Variants in EPB41 observed in about 807,000 individuals in gnomAD.
EPB41 encodes the protein protein 4.1.
EPB41 carries 65 observed loss-of-function variants against 108.0 expected under a neutral mutation model. The ratio of observed to expected loss-of-function variants is 0.60; its 90% CI spans 0.49 to 0.74. The LOEUF is 0.74. Ranked by LOEUF, EPB41 falls within the 30% of genes least tolerant of loss-of-function variation. The pLI, the probability that EPB41 is intolerant of heterozygous loss-of-function variation, is 0.00. For synonymous variants in EPB41, 336 were observed against 358.9 expected, an observed-to-expected ratio of 0.94 and a Z score of 0.72; for missense variants, 875 against 1,037.0, an observed-to-expected ratio of 0.84 and a Z score of 2.15.
At chr1:28,962,202 A>T (rs1159065699) in intron 1 of EPB41, among the ~76,000 whole-genome samples, 1 of 151,940 alleles carries the variant, frequency 6.6e-6, no homozygotes, top group Non-Finnish European at 1.5e-5. Flanking sequence ...CTGGGATTAC[A>T]GGGGCCCGCC....
Position 29,064,997 on chromosome 1 carries a change from CAA to C in EPB41, c.2024_2025del (p.Gln675ArgfsTer12). On this transcript the variant is annotated frameshift_variant, in exon 16 of 21. Transcript: ENST00000343067. LOFTEE classifies it high-confidence loss of function. ...TCAACTGTAGGATTTAGACAAGAGT[CAA>C]GAGGAGATCAAAAAACATCATGCCA... ...NLMLEDLDKS[Q>X]EEIKKHHASI... The C allele has an allele frequency of 6.2e-7, 1 of 1,613,880 alleles. No individual in the cohort carries two copies. Among genetic ancestry groups the C allele is most frequent in the Non-Finnish European group, 8.5e-7 (1 of 1,179,976 alleles).
intron 1 of EPB41, among the ~76,000 whole-genome samples, chr1:28,980,565 T>A (rs923294730): frequency 7.9e-5 from 12 of 151,144 alleles, no homozygotes; most frequent in Non-Finnish European, 1.8e-4. Flanking sequence ...TTTTTTTTTT[T>A]AATTAGCTGG....
intron 16 of EPB41, chr1:29,070,773 A>G (rs544993486): frequency 8.9e-7 from 1 of 1,118,764 alleles, no homozygotes; most frequent in South Asian, 4.7e-5. Flanking sequence ...CTCTTTGTAG[A>G]GTATGTATTG....
In EPB41 at chr1:29,039,435, T is replaced by G. The variant is rs370528073; in HGVS notation, c.1636+9T>G. 50 of 1,613,342 alleles carry G rather than the reference T, an allele frequency of 3.1e-5. No individual in the cohort carries two copies. Among genetic ancestry groups the G allele is most frequent in the Non-Finnish European group, 4.2e-5 (49 of 1,179,812 alleles). On this transcript the variant is annotated intron_variant, in intron 11 of 20. Transcript: ENST00000343067. ...CCGGAGCCTCGATGGAGGTTTGTAT[T>G]GAATATTAATGATTTCTTGTGATCA...
intron 14 of EPB41, among the ~76,000 whole-genome samples, chr1:29,059,481 T>C (rs930990494): frequency 3.9e-5 from 6 of 151,942 alleles, no homozygotes; most frequent in South Asian, 2.1e-4. Context: ...TATCATAAAA[T>C]GAAAACCATC....
intron 1 of EPB41, among the ~76,000 whole-genome samples, chr1:28,981,684 T>A (rs757922940): frequency 6.6e-6 from 1 of 152,142 alleles, no homozygotes; most frequent in African/African-American, 2.4e-5. Flanking sequence ...GTGTCAAGAC[T>A]TTTAGAGAGT....
intron 4 of EPB41, among the ~76,000 whole-genome samples, chr1:29,007,287 A>G (rs2096421878): frequency 6.6e-6 from 1 of 152,152 alleles, no homozygotes; most frequent in African/African-American, 2.4e-5. Context: ...TACTACTGAT[A>G]GACATTTGGC....
At chr1:29,055,451 A>G (rs1645192962) in intron 12 of EPB41, among the ~76,000 whole-genome samples, 1 of 152,144 alleles carries the variant, frequency 6.6e-6, no homozygotes. Flanking sequence ...GGAACTTGGC[A>G]GAGTGAAGAG....
At chr1:28,892,878 A>T (rs1348695914) in intron 1 of EPB41, among the ~76,000 whole-genome samples, 6 of 135,066 alleles carry the variant, frequency 4.4e-5, no homozygotes, top group East Asian at 4.3e-4. Flanking sequence ...ATCTTGGCTC[A>T]CTGCAACCTC....
chr1:29,004,556 G>C (rs986278189), intron 4 of EPB41, among the ~76,000 whole-genome samples: 11 of 152,156 alleles, frequency 7.2e-5, no homozygotes, highest in Non-Finnish European at 1.2e-4. Flanking sequence ...TGGCAGTCAT[G>C]GTTGTATCTT....
At chr1:29,037,720 A>G (rs1640028603) in intron 10 of EPB41, among the ~76,000 whole-genome samples, 1 of 151,728 alleles carries the variant, frequency 6.6e-6, no homozygotes, top group Non-Finnish European at 1.5e-5. Context: ...AATTTTTAGT[A>G]GAGACCGGGT....
intron 1 of EPB41, among the ~76,000 whole-genome samples, chr1:28,934,666 T>TTTGTGTGTGTGTGTGTGTGTGTG (rs1553174370): frequency 2.2e-5 from 3 of 136,400 alleles, no homozygotes; most frequent in East Asian, 4.2e-4. Flanking sequence ...TCTTTTGACA[T>TTTGTGTGTGTGTGTGTGTGTGTG]TGTGTGTGTG....
intron 1 of EPB41, among the ~76,000 whole-genome samples, chr1:28,918,232 T>C (rs1476354830): frequency 6.6e-6 from 1 of 152,096 alleles, no homozygotes; most frequent in Admixed American, 6.5e-5. Flanking sequence ...TTTGTATTTT[T>C]AGTAGAGACG....
chr1:29,021,003 G>T (rs1192099310), intron 7 of EPB41, among the ~76,000 whole-genome samples: 1 of 152,036 alleles, frequency 6.6e-6, no homozygotes, highest in East Asian at 1.9e-4. Flanking sequence ...AGGACTTATA[G>T]TCTCTCATCC....
chr1:28,965,180 T>G (rs1433501364), intron 1 of EPB41, among the ~76,000 whole-genome samples: 2 of 152,216 alleles, frequency 1.3e-5, no homozygotes, highest in Non-Finnish European at 2.9e-5. Context: ...GGTTTTTAAA[T>G]ATTGCTTGTA....
At position 28,969,793 on chromosome 1, in the gene EPB41, C is replaced by T. The variant is rs544103711; in HGVS notation, c.-7-17638C>T. Among the ~76,000 whole-genome samples, 447 of 152,068 alleles carry T rather than the reference C, an allele frequency of 2.9e-3. 3 individuals carry two copies. The highest frequency in any genetic ancestry group is 0.01 in the African/African-American group (427 of 41,488). ...GTGGGCACCTGTAGTCCCAGCTACT[C>T]GGGAGGCTGAGGCAGGAGAATGGCG... On this transcript the variant is annotated intron_variant, in intron 1 of 20. Coordinates refer to ENST00000343067, the MANE Select transcript of EPB41 (RefSeq NM_001376013.1).
intron 12 of EPB41, 42 bp from the exon 13 acceptor site, chr1:29,058,533 TTCATAGAAACCTAC>T: frequency 6.7e-7 from 1 of 1,485,526 alleles, no homozygotes; most frequent in South Asian, 1.2e-5. Context: ...AACAACACTA[TTCATAGAAACCTAC>T]TAACCTAAAA....
chr1:28,903,487 G>A (rs1262198654), intron 1 of EPB41, among the ~76,000 whole-genome samples: 2 of 151,744 alleles, frequency 1.3e-5, no homozygotes, highest in Non-Finnish European at 2.9e-5. Flanking sequence ...GCCACACCCG[G>A]CTAATTTTTA....
intron 1 of EPB41, among the ~76,000 whole-genome samples, chr1:28,960,723 C>T (rs781499198): frequency 1.3e-4 from 19 of 149,918 alleles, no homozygotes; most frequent in Non-Finnish European, 1.6e-4. Context: ...GAGATCCTGT[C>T]GCAAAAAAAT....
Sources: allele counts gnomAD v4.1 joint callset (sites outside exome capture counted in the v4.1 genomes callset), GRCh38; gene constraint gnomAD v4.1.1; transcripts MANE v1.5; gene names NCBI Gene and HGNC (gene_info 2026-07-23, HGNC 2026-07-21).